SIRPA: variants seen among roughly 807,000 people sequenced by gnomAD.
SIRPA encodes tyrosine-protein phosphatase non-receptor type substrate 1.
A neutral mutation model predicts 50.3 loss-of-function variants in SIRPA; 9 were observed. That is an observed-to-expected ratio of 0.18 (90% CI 0.11 to 0.31). SIRPA has a LOEUF of 0.31. Ranked by LOEUF, SIRPA falls within the 10% of genes least tolerant of loss-of-function variation. The pLI, the probability that SIRPA is intolerant of heterozygous loss-of-function variation, is 1.00. For synonymous variants in SIRPA, 265 were observed against 284.1 expected (o/e 0.93, Z 0.68); for missense variants, 474 against 661.6 (o/e 0.72, Z 3.11).
chr20:1,902,884 C>T (rs183128920), intron 1 of SIRPA, among the ~76,000 whole-genome samples: 237 of 151,972 alleles, frequency 1.6e-3, no homozygotes, highest in Non-Finnish European at 2.9e-3. Flanking sequence ...TGGTGGCGTG[C>T]GCCTGGAATC....
chr20:1,926,619 G>C (rs1417028756), intron 5 of SIRPA, among the ~76,000 whole-genome samples: 1 of 152,242 alleles, frequency 6.6e-6, no homozygotes, highest in African/African-American at 2.4e-5. Context: ...ACTGCTCACT[G>C]TGCTTTCCCT....
At chr20:1,896,777 C>T (rs1343921036) in intron 1 of SIRPA, among the ~76,000 whole-genome samples, 1 of 150,832 alleles carries the variant, frequency 6.6e-6, no homozygotes, top group East Asian at 2.0e-4. Context: ...TCCCCCCACC[C>T]CACCCCACCC....
At chr20:1,909,012 ATAG>A (rs928641282) in intron 1 of SIRPA, among the ~76,000 whole-genome samples, 2 of 152,168 alleles carry the variant, frequency 1.3e-5, no homozygotes, top group African/African-American at 4.8e-5. Context: ...CACCCAGAAG[ATAG>A]TAGAGGCAGC....
intron 1 of SIRPA, among the ~76,000 whole-genome samples, chr20:1,902,751 C>T (rs534032092): frequency 8.0e-4 from 122 of 152,308 alleles, no homozygotes; most frequent in Non-Finnish European, 1.5e-3. Context: ...GTGGCTCACG[C>T]CTATAATCCC....
Position 1,936,640 on chromosome 20 carries a change from T to C in SIRPA, c.1267-680T>C, listed in dbSNP as rs1986591069. On this transcript the variant is annotated intron_variant, in intron 7 of 7. Coordinates refer to ENST00000358771, the MANE Select transcript of SIRPA (RefSeq NM_001040023.2). The surrounding 1 kb of genome is among the most constrained non-coding windows in gnomAD (Gnocchi z 4.2). The stretch of plus-strand genomic sequence containing the variant: ...TGAAGGTGAAATTATTGCCATCCAC[T>C]CATATATTCATTCAATATGGATCAG... Among the ~76,000 whole-genome samples the C allele has an allele frequency of 6.6e-6, 1 of 152,222 alleles. No individual in the cohort carries two copies. The highest frequency in any genetic ancestry group is 1.5e-5 in the Non-Finnish European group (1 of 68,042).
rs999729656 is a variant in SIRPA, at chr20:1,932,471, G to A, written c.1227-2244G>A. ...GAGCAGTCAGATGCATGCACAGAAC[G>A]CAGAGGAGGCCAGAGGAGCTGGAGC... On this transcript the variant is annotated intron_variant, in intron 6 of 7. Coordinates refer to ENST00000358771, the MANE Select transcript of SIRPA (RefSeq NM_001040023.2). This position sits in a 1 kb window ranked among gnomAD's most constrained non-coding sequence, Gnocchi z 6.0. Among the ~76,000 whole-genome samples, 1 of 152,196 alleles carries A rather than the reference G, an allele frequency of 6.6e-6. No individual in the cohort carries two copies.
At position 1,937,512 on chromosome 20, in the gene SIRPA, C is replaced by T. The variant is rs746304594; in HGVS notation, c.1459C>T (p.Pro487Ser). The T allele has an allele frequency of 2.5e-6, 4 of 1,614,156 alleles. No individual in the cohort carries two copies. The highest frequency in any genetic ancestry group is 1.1e-5 in the South Asian group (1 of 91,080). The part of the protein sequence containing the change: ...HLNRTPKQPA[P>S]KPEPSFSEYA... Reference sequence around the variant, plus strand: ...CAACCGGACCCCCAAGCAGCCGGCCCCCAAGCCTGAGCCGTCCTTCTCAGA... The same window carrying T: ...CAACCGGACCCCCAAGCAGCCGGCCTCCAAGCCTGAGCCGTCCTTCTCAGA... Residue 487 changes from proline to serine, a missense_variant, in exon 8 of 8, where the codon CCC (proline) becomes TCC (serine). This residue lies in a region of SIRPA where 180 missense variants were observed against 206.7 expected (regional missense o/e 0.87). Transcript: ENST00000358771. The surrounding 1 kb of genome is among the most constrained non-coding windows in gnomAD (Gnocchi z 8.3).
intron 7 of SIRPA, among the ~76,000 whole-genome samples, chr20:1,935,708 A>T (rs1026259762): frequency 7.2e-5 from 11 of 152,234 alleles, no homozygotes; most frequent in Admixed American, 2.6e-4. Flanking sequence ...GGGTCATGGA[A>T]ACCTCTACGA....
chr20:1,901,751 A>G (rs1461646136), intron 1 of SIRPA, among the ~76,000 whole-genome samples: 1 of 152,118 alleles, frequency 6.6e-6, no homozygotes, highest in African/African-American at 2.4e-5. Context: ...TGTGTCTGTA[A>G]GATTTCCTGG....
intron 7 of SIRPA, among the ~76,000 whole-genome samples, chr20:1,935,830 G>T (rs558487991): frequency 6.6e-6 from 1 of 152,300 alleles, no homozygotes; most frequent in East Asian, 1.9e-4. Flanking sequence ...CCAGGTGCCA[G>T]CCCTGGCCAG....
intron 1 of SIRPA, among the ~76,000 whole-genome samples, chr20:1,911,949 A>G (rs1456303096): frequency 1.3e-5 from 2 of 151,832 alleles, no homozygotes; most frequent in Admixed American, 6.6e-5. Context: ...AAGCAAGGAA[A>G]AAAAAAAAAA....
At chr20:1,896,008 AG>A in intron 1 of SIRPA, among the ~76,000 whole-genome samples, 1 of 152,344 alleles carries the variant, frequency 6.6e-6, no homozygotes, top group South Asian at 2.1e-4. Context: ...TGTTGCAATT[AG>A]GGAAGAGTGA....
intron 4 of SIRPA, among the ~76,000 whole-genome samples, chr20:1,923,577 C>T (rs568445619): frequency 3.9e-5 from 6 of 152,178 alleles, no homozygotes; most frequent in South Asian, 2.1e-4. Context: ...TGGCCAATGC[C>T]GGGTTTTCCT....
intron 1 of SIRPA, among the ~76,000 whole-genome samples, chr20:1,914,582 G>GC (rs371298541): frequency 0.41 from 61,008 of 150,506 alleles, 12,742 homozygotes; most frequent in East Asian, 0.66. Context: ...TACCTGAGTG[G>GC]TGGCCCAAGG....
In SIRPA at chr20:1,915,366, C is replaced by T. The variant is rs766576360; in HGVS notation, c.347C>T (p.Ala116Val). The T allele has an allele frequency of 1.2e-6, 2 of 1,611,510 alleles. No individual in the cohort carries two copies. The highest frequency in any genetic ancestry group is 1.7e-4 in the Middle Eastern group (1 of 6,034). ...IRIGNITPAD[A>V]GTYYCVKFRK... The stretch of plus-strand genomic sequence containing the variant: ...ATCGGTAACATCACCCCAGCAGATG[C>T]CGGCACCTACTACTGTGTGAAGTTC... Residue 116 changes from alanine (A) to valine (V), a missense_variant, in exon 2 of 8, where the codon GCC (alanine) becomes GTC (valine). By Grantham distance (64) the Ala-to-Val change is moderately conservative. Around this residue, in one of 4 missense-constraint regions of SIRPA, gnomAD observed 221 missense variants for 359.9 expected, o/e 0.61. Transcript: ENST00000358771.
In SIRPA at chr20:1,911,097, C is replaced by T. The variant is rs79334565; in HGVS notation, c.80-4002C>T. ...AGACTCTGATCTTGTAACACATTTC[C>T]ATTGTAATTCTATACCATCATTTTC... On this transcript the variant is annotated intron_variant, in intron 1 of 7. Transcript: ENST00000358771. Among the ~76,000 whole-genome samples the T allele has an allele frequency of 6.6e-5, 10 of 152,272 alleles. No individual in the cohort carries two copies. In the East Asian group the frequency reaches 1.9e-3, roughly 29 times the overall value.
At chr20:1,931,973 C>T (rs971666728) in intron 6 of SIRPA, among the ~76,000 whole-genome samples, 7 of 152,160 alleles carry the variant, frequency 4.6e-5, no homozygotes, top group African/African-American at 1.7e-4. Flanking sequence ...AACTCAGTGC[C>T]AAGCCTTGAG....
chr20:1,937,796 G>A lies in SIRPA; in HGVS notation c.*228G>A, dbSNP rs1305197399. ...CATTGCCACATACCTGGAGGCTGACGTTGCCAAACCAGCCAGGGAACCAAC... is the reference window on the plus strand; with the variant it reads ...CATTGCCACATACCTGGAGGCTGACATTGCCAAACCAGCCAGGGAACCAAC... On this transcript the variant is annotated 3_prime_UTR_variant, in exon 8 of 8. Transcript: ENST00000358771. The surrounding 1 kb of genome is among the most constrained non-coding windows in gnomAD (Gnocchi z 8.3). The A allele has an allele frequency of 4.0e-5, 24 of 596,418 alleles. No individual in the cohort carries two copies. The highest frequency in any genetic ancestry group is 4.6e-4 in the Middle Eastern group (1 of 2,196). The allele number at this position is 596,418 out of a possible 1,614,324, so 36.9% of individuals were successfully genotyped here. A position where few individuals can be genotyped will look rare whatever the true frequency, so the allele number is the denominator to read the frequency against.
intron 2 of SIRPA, among the ~76,000 whole-genome samples, chr20:1,920,848 C>G (rs1034642076): frequency 5.9e-5 from 9 of 152,204 alleles, no homozygotes; most frequent in African/African-American, 2.2e-4. Flanking sequence ...CTTCTGTTGC[C>G]TCATTTAATC....
Sources: allele counts gnomAD v4.1 joint callset (sites outside exome capture counted in the v4.1 genomes callset), GRCh38; gene constraint gnomAD v4.1.1; regional missense constraint gnomAD v4.1.1; non-coding constraint Gnocchi (gnomAD v3.1); transcripts MANE v1.5; gene names NCBI Gene and HGNC (gene_info 2026-07-23, HGNC 2026-07-21).